MID1: variants seen among roughly 807,000 people sequenced by gnomAD.
MID1 encodes midline 1.
A neutral mutation model predicts 40.4 loss-of-function variants in MID1; 7 were observed. The observed-to-expected ratio is 0.17, with a 90% CI of 0.10 to 0.33. The LOEUF is 0.33. Among genes scored for constraint, MID1 ranks in the 10% least tolerant of loss-of-function variants. The probability of loss-of-function intolerance (pLI) is 1.00; values close to 1 mark genes in which losing one functional copy is unlikely to be tolerated. For synonymous variants in MID1, 229 were observed against 221.2 expected, an observed-to-expected ratio of 1.04 and a Z score of -0.31; for missense variants, 367 against 558.5, an observed-to-expected ratio of 0.66 and a Z score of 3.46.
intron 1 of MID1, among the ~76,000 whole-genome samples, chrX:10,590,990 G>C (rs1291245596): frequency 4.5e-5 from 5 of 111,068 alleles, no homozygotes; most frequent in African/African-American, 1.3e-4. Flanking sequence ...GTTTCATCCT[G>C]TACATTTTAT....
chrX:10,823,135 T>C (rs930206769), intron 1 of MID1, among the ~76,000 whole-genome samples: 1 of 111,912 alleles, frequency 8.9e-6, no homozygotes, highest in Non-Finnish European at 1.9e-5. Flanking sequence ...TGGAATACTA[T>C]GCAGCCATAA....
intron 8 of MID1, among the ~76,000 whole-genome samples, chrX:10,458,431 T>C (rs1182773635): frequency 9.0e-6 from 1 of 111,662 alleles, no homozygotes; most frequent in African/African-American, 3.3e-5. Context: ...GGAAAGCTGG[T>C]AAAATCTGAA....
Position 10,567,051 on chromosome X carries a change from G to A in MID1, c.497C>T (p.Pro166Leu), listed in dbSNP as rs781279006. 9.1e-6 allele frequency: 11 copies of A among 1,211,826 alleles called. No individual in the cohort carries two copies. Among genetic ancestry groups the A allele is most frequent in the African/African-American group, 1.7e-5 (1 of 57,736 alleles). Residue 166 changes from proline to leucine, a missense_variant, in exon 2 of 10, where the codon CCG becomes CTG. By Grantham distance (98) the Pro-to-Leu change is moderately conservative. This residue lies in a region of MID1 where 14 missense variants were observed against 62.8 expected (regional missense o/e 0.22). Transcript: ENST00000317552. Reference sequence around the variant, plus strand: ...CATCAGCCCCCGGATGTGAGAGTCCGGAATTGGCTCAATCAGACGATGGCC... The same window carrying A: ...CATCAGCCCCCGGATGTGAGAGTCCAGAATTGGCTCAATCAGACGATGGCC... ...FTGHRLIEPI[P>L]DSHIRGLMCL...
chrX:10,539,815 G>A (rs943618812), intron 2 of MID1, among the ~76,000 whole-genome samples: 2 of 112,620 alleles, frequency 1.8e-5, no homozygotes, highest in East Asian at 5.6e-4. Context: ...TGTGGTTACA[G>A]TTCACTGCAG....
intron 1 of MID1, among the ~76,000 whole-genome samples, chrX:10,812,368 AAG>A (rs1278976914): frequency 9.0e-6 from 1 of 111,718 alleles, no homozygotes; most frequent in Non-Finnish European, 1.9e-5. Context: ...GTGGAAAGGA[AAG>A]AGAAATGACA....
chrX:10,543,818 G>A (rs771551960), intron 2 of MID1, among the ~76,000 whole-genome samples: 8 of 110,254 alleles, frequency 7.3e-5, no homozygotes, highest in Non-Finnish European at 3.8e-5. Flanking sequence ...ACTCCAGCCT[G>A]GGTGACAGAG....
intron 1 of MID1, among the ~76,000 whole-genome samples, chrX:10,579,641 A>G (rs1453320692): frequency 9.0e-6 from 1 of 111,649 alleles, no homozygotes; most frequent in Non-Finnish European, 1.9e-5. Context: ...CCACACACAA[A>G]AACCTTTTGC....
Position 10,602,805 on chromosome X carries a change from C to T in MID1, c.-57+17485G>A, listed in dbSNP as rs1473307444. 3.6e-5 allele frequency among the ~76,000 whole-genome samples: 4 copies of T among 112,131 alleles called. No individual in the cohort carries two copies. The East Asian group carries it at 8.3e-4, about 23-fold the overall frequency. The stretch of plus-strand genomic sequence containing the variant: ...TAATGCCATGTAAGGCATCATTCTG[C>T]CACCACATGCTCATTCTATCATTTA... On this transcript the variant is annotated intron_variant, in intron 1 of 9. Transcript: ENST00000317552.
At position 10,501,216 on chromosome X, in the gene MID1, G is replaced by A. The variant is rs192277692; in HGVS notation, c.757-5525C>T. On this transcript the variant is annotated intron_variant, in intron 3 of 9. Transcript: ENST00000317552. ...CCCAGCTAATCGGGAGGCAGAGGCA[G>A]GAGAATCGCTTGAACCCAGGAGTCG... Among the ~76,000 whole-genome samples the A allele has an allele frequency of 2.0e-3, 220 of 111,509 alleles. 1 individual carries two copies. The highest frequency in any genetic ancestry group is 6.5e-3 in the African/African-American group (199 of 30,698).
chrX:10,516,782 G>GT (rs757412143), intron 3 of MID1, among the ~76,000 whole-genome samples: 11 of 109,653 alleles, frequency 1.0e-4, no homozygotes, highest in South Asian at 3.9e-4. Flanking sequence ...CGCCTGTCTA[G>GT]TTTTTTTATT....
At chrX:10,532,709 G>A (rs1364047915) in intron 2 of MID1, among the ~76,000 whole-genome samples, 2 of 111,413 alleles carry the variant, frequency 1.8e-5, no homozygotes, top group Admixed American at 1.9e-4. Flanking sequence ...GCAAACTATG[G>A]TTGGTCCACT....
At chrX:10,719,878 C>A (rs766078483) in intron 1 of MID1, among the ~76,000 whole-genome samples, 2,061 of 111,011 alleles carry the variant, frequency 0.019, 49 homozygotes, top group African/African-American at 0.064. Context: ...GAACAGGGCC[C>A]TCAGAAATAA....
intron 1 of MID1, among the ~76,000 whole-genome samples, chrX:10,695,316 G>A (rs1006193349): frequency 4.5e-5 from 5 of 111,049 alleles, no homozygotes; most frequent in Admixed American, 3.8e-4. Flanking sequence ...TTGTAGAGAT[G>A]GGTTTTCACC....
intron 1 of MID1, among the ~76,000 whole-genome samples, chrX:10,782,905 C>T (rs924505015): frequency 1.8e-5 from 2 of 111,146 alleles, no homozygotes; most frequent in Non-Finnish European, 3.8e-5. Flanking sequence ...CAAGTCCTAC[C>T]CCAGAACTAC....
At chrX:10,464,982 G>C (rs1266040668) in intron 7 of MID1, among the ~76,000 whole-genome samples, 1 of 109,419 alleles carries the variant, frequency 9.1e-6, no homozygotes, top group Non-Finnish European at 1.9e-5. Flanking sequence ...GCCAGGAGTT[G>C]AGACCAGCCT....
intron 1 of MID1, among the ~76,000 whole-genome samples, chrX:10,829,282 C>G (rs1015096622): frequency 8.9e-6 from 1 of 111,850 alleles, no homozygotes; most frequent in African/African-American, 3.2e-5. Context: ...GGCTCTTTGA[C>G]CAAAATTCCA....
chrX:10,620,950 T>A (rs1292884162), upstream of MID1, among the ~76,000 whole-genome samples: 1 of 111,855 alleles, frequency 8.9e-6, no homozygotes, highest in Non-Finnish European at 1.9e-5. Context: ...GAAGCCCTAC[T>A]TTTGCAAAAG....
At chrX:10,639,845 A>G (rs929522397) in intron 1 of MID1, among the ~76,000 whole-genome samples, 5 of 112,151 alleles carry the variant, frequency 4.5e-5, no homozygotes, top group Non-Finnish European at 7.5e-5. Context: ...GCCAGAAGGG[A>G]GTGAGGGCCA....
chrX:10,465,359 C>T (rs1477658027), intron 7 of MID1, among the ~76,000 whole-genome samples: 2 of 107,294 alleles, frequency 1.9e-5, no homozygotes, highest in Admixed American at 2.0e-4. Flanking sequence ...AGGATTCCAA[C>T]TCCCTGGTAT....
Sources: allele counts gnomAD v4.1 joint callset (sites outside exome capture counted in the v4.1 genomes callset), GRCh38; gene constraint gnomAD v4.1.1; regional missense constraint gnomAD v4.1.1; transcripts MANE v1.5; gene names NCBI Gene and HGNC (gene_info 2026-07-23, HGNC 2026-07-21).